MRTFB: variants seen among roughly 807,000 people sequenced by gnomAD.
MRTFB encodes the protein myocardin-related transcription factor B.
A neutral mutation model predicts 104.2 loss-of-function variants in MRTFB; 29 were observed. The observed-to-expected ratio is 0.28, with a 90% CI of 0.21 to 0.38. The LOEUF is 0.38. Among genes scored for constraint, MRTFB ranks in the 10% least tolerant of loss-of-function variants. The probability of loss-of-function intolerance (pLI) is 1.00; values close to 1 mark genes in which losing one functional copy is unlikely to be tolerated. For missense variants in MRTFB, 1,270 were observed against 1,341.6 expected (o/e 0.95, Z 0.83); for synonymous variants, 535 against 519.5 (o/e 1.03, Z -0.41).
At chr16:14,199,566 G>A (rs2040591282) in intron 3 of MRTFB, among the ~76,000 whole-genome samples, 1 of 152,154 alleles carries the variant, frequency 6.6e-6, no homozygotes, top group Non-Finnish European at 1.5e-5. Flanking sequence ...AGGTGCTTAA[G>A]CCTGAAACCC....
chr16:14,102,917 G>A (rs954151721), intron 2 of MRTFB, among the ~76,000 whole-genome samples: 1 of 152,218 alleles, frequency 6.6e-6, no homozygotes, highest in Non-Finnish European at 1.5e-5. Flanking sequence ...AAAGGAGAAG[G>A]TGAAGTAGAG....
chr16:14,066,221 A>G, the MRTFB span, among the ~76,000 whole-genome samples: 453 of 151,522 alleles, frequency 3.0e-3, 3 homozygotes, highest in African/African-American at 0.01. Flanking sequence ...TTTGGAAACC[A>G]TACCTTATTT....
chr16:14,168,782 T>G (rs1653664046), intron 3 of MRTFB, among the ~76,000 whole-genome samples: 1 of 152,206 alleles, frequency 6.6e-6, no homozygotes, highest in African/African-American at 2.4e-5. Flanking sequence ...CTGCATGCCC[T>G]TTTCAAAAGT....
At chr16:14,014,127 A>T in the MRTFB span, among the ~76,000 whole-genome samples, 4 of 152,230 alleles carry the variant, frequency 2.6e-5, no homozygotes, top group Admixed American at 1.3e-4. Flanking sequence ...AACACTTAGC[A>T]GGCAACTGAA....
chr16:14,190,864 C>A (rs1022916905), intron 3 of MRTFB, among the ~76,000 whole-genome samples: 2 of 152,164 alleles, frequency 1.3e-5, no homozygotes, highest in African/African-American at 4.8e-5. Flanking sequence ...GAGTTACAGA[C>A]TTGGGGGGCC....
At chr16:14,124,108 T>C (rs780817893) in intron 2 of MRTFB, among the ~76,000 whole-genome samples, 17 of 152,240 alleles carry the variant, frequency 1.1e-4, no homozygotes, top group Non-Finnish European at 2.2e-4. Flanking sequence ...TTTTGCACAT[T>C]GATTTTGTAT....
At chr16:14,149,792 T>C (rs967520547) in intron 3 of MRTFB, among the ~76,000 whole-genome samples, 1 of 152,174 alleles carries the variant, frequency 6.6e-6, no homozygotes, top group Non-Finnish European at 1.5e-5. Context: ...CCTGACTGTA[T>C]ACAGAAAAAT....
chr16:14,021,997 ACTT>A, the MRTFB span, among the ~76,000 whole-genome samples: 1 of 152,272 alleles, frequency 6.6e-6, no homozygotes, highest in East Asian at 1.9e-4. Context: ...GAACTCTCTG[ACTT>A]CTTCTGCCAC....
chr16:14,127,251 A>G lies in MRTFB; in HGVS notation c.-63-13293A>G, dbSNP rs560645625. 3.9e-5 allele frequency among the ~76,000 whole-genome samples: 6 copies of G among 152,376 alleles called. No individual in the cohort carries two copies. The East Asian group carries it at 1.2e-3, about 29-fold the overall frequency. On this transcript the variant is annotated intron_variant, in intron 2 of 16. Coordinates refer to ENST00000571589, the MANE Select transcript of MRTFB (RefSeq NM_001308142.2). The stretch of plus-strand genomic sequence containing the variant: ...TATGCAAAAGGCAAACAAATTTCAG[A>G]TGACACAAAACGGAGTGAAGGTATT...
chr16:14,032,779 T>G, the MRTFB span, among the ~76,000 whole-genome samples: 1 of 152,110 alleles, frequency 6.6e-6, no homozygotes, highest in Non-Finnish European at 1.5e-5. Flanking sequence ...ACCCAGTTGG[T>G]GTCTGCAGAG....
the MRTFB span, among the ~76,000 whole-genome samples, chr16:14,032,171 A>G: frequency 1.3e-5 from 2 of 152,214 alleles, no homozygotes; most frequent in Non-Finnish European, 2.9e-5. Flanking sequence ...GCTGGCTGCC[A>G]TGGGAACCAA....
chr16:14,112,110 C>T (rs1051492591), intron 2 of MRTFB, among the ~76,000 whole-genome samples: 5 of 151,668 alleles, frequency 3.3e-5, no homozygotes, highest in East Asian at 2.0e-4. Context: ...GAAGCTCTGC[C>T]GAACAGGTAT....
intron 8 of MRTFB, among the ~76,000 whole-genome samples, chr16:14,232,971 G>C (rs907188391): frequency 2.0e-5 from 3 of 152,220 alleles, no homozygotes; most frequent in Non-Finnish European, 4.4e-5. Context: ...TTTTCCTTAA[G>C]ATAAGGGTGG....
chr16:14,020,280 A>G, the MRTFB span: 52,852 of 151,950 alleles, frequency 0.35, 9,718 homozygotes, highest in Admixed American at 0.46. Flanking sequence ...TCTACACCCT[A>G]ATAGAATTTC....
chr16:14,090,637 C>T (rs1054972988), intron 2 of MRTFB, among the ~76,000 whole-genome samples: 10 of 152,100 alleles, frequency 6.6e-5, no homozygotes, highest in African/African-American at 2.4e-4. Flanking sequence ...AGAGTTGGTG[C>T]TGGTGCTCAG....
At chr16:14,173,020 TAA>T (rs2039472341) in intron 3 of MRTFB, among the ~76,000 whole-genome samples, 1 of 152,214 alleles carries the variant, frequency 6.6e-6, no homozygotes, top group Admixed American at 6.5e-5. Context: ...GTCCAGGTCA[TAA>T]AAATCCCATC....
intron 2 of MRTFB, among the ~76,000 whole-genome samples, chr16:14,122,485 C>G (rs1405002954): frequency 2.0e-5 from 3 of 152,054 alleles, no homozygotes; most frequent in Admixed American, 1.3e-4. Flanking sequence ...CTCCCTGTGT[C>G]CATGTGTTCT....
At chr16:14,127,929 ATTTTTTTT>A (rs67001306) in intron 2 of MRTFB, among the ~76,000 whole-genome samples, 1 of 44,636 alleles carries the variant, frequency 2.2e-5, no homozygotes, top group Non-Finnish European at 3.3e-5. Context: ...ATATATATAT[ATTTTTTTT>A]TTTTTTTTTT....
chr16:14,223,031 G>T (rs1446275700), intron 8 of MRTFB, among the ~76,000 whole-genome samples: 2 of 152,074 alleles, frequency 1.3e-5, no homozygotes, highest in Non-Finnish European at 2.9e-5. Flanking sequence ...ACAAGGCAGG[G>T]TGCAGTGTCT....
Sources: allele counts gnomAD v4.1 joint callset (sites outside exome capture counted in the v4.1 genomes callset), GRCh38; gene constraint gnomAD v4.1.1; transcripts MANE v1.5; gene names NCBI Gene and HGNC (gene_info 2026-07-23, HGNC 2026-07-21).